AOPEP: variants seen among roughly 807,000 people sequenced by gnomAD.
AOPEP encodes aminopeptidase O.
AOPEP carries 77 observed loss-of-function variants against 98.1 expected under a neutral mutation model. That is an observed-to-expected ratio of 0.78 (90% CI 0.65 to 0.95). The LOEUF is 0.95. AOPEP is among the 40% of genes least tolerant of loss of function. The probability of loss-of-function intolerance (pLI) is 0.00; values close to 1 mark genes in which losing one functional copy is unlikely to be tolerated. For synonymous variants in AOPEP, 346 were observed against 365.3 expected, an observed-to-expected ratio of 0.95 and a Z score of 0.60; for missense variants, 1,024 against 1,024.7, an observed-to-expected ratio of 1.00 and a Z score of 0.01.
intron 5 of AOPEP, among the ~76,000 whole-genome samples, chr9:94,907,657 G>A (rs1224249335): frequency 2.0e-5 from 3 of 152,084 alleles, no homozygotes; most frequent in African/African-American, 2.4e-5. Flanking sequence ...CTCCAGCCTC[G>A]GGGTATCAAC....
At chr9:94,932,801 G>A in intron 7 of AOPEP, 1 of 985,344 alleles carries the variant, frequency 1.0e-6, no homozygotes, top group Non-Finnish European at 1.2e-6. Flanking sequence ...TTCTTAGATT[G>A]ACTTTGCTGT....
chr9:94,951,476 T>C (rs76937872), intron 7 of AOPEP, among the ~76,000 whole-genome samples: 13 of 152,160 alleles, frequency 8.5e-5, no homozygotes, highest in Non-Finnish European at 1.8e-4. Flanking sequence ...AACTTTTAAA[T>C]GGGCATAAAC....
chr9:95,043,087 A>G (rs1452588210), intron 13 of AOPEP, among the ~76,000 whole-genome samples: 1 of 127,774 alleles, frequency 7.8e-6, no homozygotes, highest in Non-Finnish European at 1.7e-5. Flanking sequence ...GGCCTGGGCA[A>G]CAAACTGAGA....
At chr9:94,912,292 T>C (rs1467723845) in intron 5 of AOPEP, among the ~76,000 whole-genome samples, 1 of 152,076 alleles carries the variant, frequency 6.6e-6, no homozygotes, top group East Asian at 1.9e-4. Context: ...GGTGAGGGTA[T>C]GAAGGTAAAA....
At chr9:95,005,504 G>C in intron 12 of AOPEP, 38 bp from the exon 13 acceptor site, 3 of 1,584,384 alleles carry the variant, frequency 1.9e-6, no homozygotes, top group South Asian at 1.1e-5. Flanking sequence ...TCAGGACCCT[G>C]TCGCCTTCTT....
intron 7 of AOPEP, among the ~76,000 whole-genome samples, chr9:94,929,258 G>A (rs1271716964): frequency 6.6e-6 from 1 of 152,176 alleles, no homozygotes; most frequent in Non-Finnish European, 1.5e-5. Context: ...GGGAGGGATG[G>A]CCATCCAGGA....
chr9:94,816,149 T>TA (rs1743158875), intron 5 of AOPEP, among the ~76,000 whole-genome samples: 1 of 152,206 alleles, frequency 6.6e-6, no homozygotes, highest in African/African-American at 2.4e-5. Context: ...TTCTCTCCAC[T>TA]AACCAAATTG....
the AOPEP span, among the ~76,000 whole-genome samples, chr9:95,131,386 G>A: frequency 3.9e-5 from 6 of 152,132 alleles, no homozygotes; most frequent in Admixed American, 1.3e-4. Context: ...TGACCCCTAC[G>A]TCCACCCCTG....
chr9:95,007,094 G>T (rs2132761864), intron 13 of AOPEP, among the ~76,000 whole-genome samples: 1 of 152,026 alleles, frequency 6.6e-6, no homozygotes, highest in Admixed American at 6.5e-5. Context: ...TAGAGACGGG[G>T]TTTCACTGTG....
At chr9:94,830,761 G>A (rs1347973448) in intron 5 of AOPEP, among the ~76,000 whole-genome samples, 2 of 152,108 alleles carry the variant, frequency 1.3e-5, no homozygotes, top group Non-Finnish European at 2.9e-5. Flanking sequence ...GGTATGAGAT[G>A]GTATCTTGTT....
chr9:94,876,829 A>G (rs2047003671), intron 5 of AOPEP, among the ~76,000 whole-genome samples: 1 of 152,186 alleles, frequency 6.6e-6, no homozygotes, highest in Non-Finnish European at 1.5e-5. Context: ...GGAGCCCTAA[A>G]GTTGCATGAT....
chr9:95,099,098 C>A, the AOPEP span: 10 of 198,050 alleles, frequency 5.0e-5, no homozygotes, highest in Admixed American at 5.5e-4. Context: ...AAATAGACAA[C>A]AAATTACAGA....
At chr9:94,803,730 G>A (rs150349348) in intron 5 of AOPEP, among the ~76,000 whole-genome samples, 41 of 152,276 alleles carry the variant, frequency 2.7e-4, no homozygotes, top group African/African-American at 9.6e-4. Context: ...TATAACAGGA[G>A]CCATTACTAA....
the AOPEP span, among the ~76,000 whole-genome samples, chr9:95,142,879 C>G: frequency 6.6e-6 from 1 of 152,178 alleles, no homozygotes; most frequent in African/African-American, 2.4e-5. Flanking sequence ...TCTTCCTCCA[C>G]ACAAACCAAT....
chr9:94,849,566 TGGCATCAGGG>T, intron 5 of AOPEP, among the ~76,000 whole-genome samples: 1 of 151,092 alleles, frequency 6.6e-6, no homozygotes, highest in Non-Finnish European at 1.5e-5. Flanking sequence ...CCAACCTTTT[TGGCATCAGGG>T]ACCTGTTTTG....
In AOPEP at chr9:95,045,367, C is replaced by T. The variant is rs543566808; in HGVS notation, c.2116-15327C>T. ...CCCTGCACCCGGCGGGCCTCCGCTG[C>T]GTCCACTGCGGACAGGGGTCGGTGA... On this transcript the variant is annotated intron_variant, in intron 13 of 16. Coordinates refer to ENST00000375315, the MANE Select transcript of AOPEP (RefSeq NM_001193329.3). Among the ~76,000 whole-genome samples the T allele has an allele frequency of 4.5e-3, 691 of 152,360 alleles. 2 individuals carry two copies. The highest frequency in any genetic ancestry group is 8.4e-3 in the Non-Finnish European group (571 of 68,026).
At chr9:94,799,404 A>T (rs1847733792) in intron 4 of AOPEP, among the ~76,000 whole-genome samples, 1 of 135,312 alleles carries the variant, frequency 7.4e-6, no homozygotes, top group African/African-American at 2.9e-5. Context: ...CCCATCTCTT[A>T]AAAAAAAAAA....
intron 5 of AOPEP, among the ~76,000 whole-genome samples, chr9:94,859,893 T>C (rs971870766): frequency 6.6e-6 from 1 of 152,248 alleles, no homozygotes; most frequent in Non-Finnish European, 1.5e-5. Context: ...CAGACACTTA[T>C]TTAGGGCGTC....
At chr9:94,850,399 T>C (rs1364962808) in intron 5 of AOPEP, among the ~76,000 whole-genome samples, 2 of 152,320 alleles carry the variant, frequency 1.3e-5, no homozygotes, top group East Asian at 3.9e-4. Context: ...TGGCGGACAC[T>C]ACAGAAATGA....
Sources: allele counts gnomAD v4.1 joint callset (sites outside exome capture counted in the v4.1 genomes callset), GRCh38; gene constraint gnomAD v4.1.1; transcripts MANE v1.5; gene names NCBI Gene and HGNC (gene_info 2026-07-23, HGNC 2026-07-21).